The following EFCAB11 variants were observed in gnomAD, a reference collection of about 807,000 sequenced individuals.
EFCAB11 encodes the protein EF-hand calcium-binding domain-containing protein 11.
EFCAB11 carries 14 observed loss-of-function variants against 23.0 expected under a neutral mutation model. The observed-to-expected ratio is 0.61, with a 90% CI of 0.40 to 0.95. EFCAB11 has a LOEUF of 0.95. Among genes scored for constraint, EFCAB11 ranks in the 40% least tolerant of loss-of-function variants. The pLI, the probability that EFCAB11 is intolerant of heterozygous loss-of-function variation, is 0.00. For synonymous variants in EFCAB11, 65 were observed against 66.6 expected (o/e 0.98, Z 0.11); for missense variants, 198 against 195.8 (o/e 1.01, Z -0.07).
At chr14:89,923,977 AGC>A in intron 5 of EFCAB11, 2 of 976,440 alleles carry the variant, frequency 2.0e-6, no homozygotes, top group Non-Finnish European at 2.4e-6. Context: ...TCTTCCAATC[AGC>A]ATAACAGAAG....
intron 5 of EFCAB11, among the ~76,000 whole-genome samples, chr14:89,836,010 G>C (rs1887067924): frequency 6.6e-6 from 1 of 152,172 alleles, no homozygotes; most frequent in Admixed American, 6.5e-5. Context: ...CCAGGGCTAA[G>C]ATTTTGCTAG....
intron 5 of EFCAB11, among the ~76,000 whole-genome samples, chr14:89,865,450 T>C (rs1888056081): frequency 6.6e-6 from 1 of 152,034 alleles, no homozygotes; most frequent in South Asian, 2.1e-4. Context: ...AGGGATGCTA[T>C]GCGGGGAGAG....
At chr14:89,913,206 T>C (rs1889735339) in intron 5 of EFCAB11, among the ~76,000 whole-genome samples, 2 of 152,202 alleles carry the variant, frequency 1.3e-5, no homozygotes, top group South Asian at 4.1e-4. Context: ...AGCTCTGAGA[T>C]GGAAGTAGGA....
At chr14:89,937,428 T>A (rs1890623905) in intron 3 of EFCAB11, among the ~76,000 whole-genome samples, 1 of 152,212 alleles carries the variant, frequency 6.6e-6, no homozygotes, top group African/African-American at 2.4e-5. Flanking sequence ...AAATCCTTCT[T>A]GACCCTGCAA....
At chr14:89,885,258 GAAAGTTAAATA>G (rs1396914429) in intron 5 of EFCAB11, among the ~76,000 whole-genome samples, 1 of 152,094 alleles carries the variant, frequency 6.6e-6, no homozygotes, top group Admixed American at 6.5e-5. Context: ...AAACAGCAAG[GAAAGTTAAATA>G]AGACCTTTAA....
At chr14:89,916,195 G>A (rs1321690970) in intron 5 of EFCAB11, among the ~76,000 whole-genome samples, 4 of 148,212 alleles carry the variant, frequency 2.7e-5, no homozygotes, top group Non-Finnish European at 4.4e-5. Flanking sequence ...CAACAAATTT[G>A]TGGATACAAG....
intron 5 of EFCAB11, among the ~76,000 whole-genome samples, chr14:89,881,109 TTTA>T (rs1276530090): frequency 2.0e-5 from 3 of 152,084 alleles, no homozygotes; most frequent in East Asian, 3.9e-4. Flanking sequence ...TATTTATTTA[TTTA>T]TTTATTTATT....
chr14:89,813,224 AT>A (rs532927522), intron 5 of EFCAB11, among the ~76,000 whole-genome samples: 1 of 152,236 alleles, frequency 6.6e-6, no homozygotes, highest in Non-Finnish European at 1.5e-5. Flanking sequence ...GGGGAGCAGA[AT>A]TTGTTTATTA....
intron 5 of EFCAB11, among the ~76,000 whole-genome samples, chr14:89,834,935 G>A (rs181673466): frequency 6.2e-4 from 95 of 152,312 alleles, no homozygotes; most frequent in Middle Eastern, 3.4e-3. Flanking sequence ...CCCTGCCATT[G>A]TGACCAGAAT....
At chr14:89,811,763 A>G (rs943151647) in intron 5 of EFCAB11, among the ~76,000 whole-genome samples, 5 of 152,188 alleles carry the variant, frequency 3.3e-5, no homozygotes, top group Admixed American at 1.3e-4. Context: ...TTTTAGCCCA[A>G]TGATGGCCAT....
intron 5 of EFCAB11, among the ~76,000 whole-genome samples, chr14:89,859,207 C>A (rs1887846894): frequency 6.6e-6 from 1 of 152,142 alleles, no homozygotes; most frequent in Non-Finnish European, 1.5e-5. Context: ...TTATTTAAAA[C>A]TATAACTTGG....
intron 5 of EFCAB11, among the ~76,000 whole-genome samples, chr14:89,824,582 A>G (rs1886630112): frequency 6.6e-6 from 1 of 152,154 alleles, no homozygotes; most frequent in African/African-American, 2.4e-5. Context: ...TTAATTAAAA[A>G]TCAGGATTGC....
chr14:89,797,219 G>A lies in EFCAB11; in HGVS notation c.*24C>T. The stretch of plus-strand genomic sequence containing the variant: ...ATTACAATCTATTGATCTCCCCAGA[G>A]TTACCAAAAGTAGTTCACAATAGTT... On this transcript the variant is annotated 3_prime_UTR_variant, in exon 6 of 6. Transcript: ENST00000316738. The A allele has an allele frequency of 6.2e-7, 1 of 1,600,648 alleles. No individual in the cohort carries two copies. Among genetic ancestry groups the A allele is most frequent in the Non-Finnish European group, 8.6e-7 (1 of 1,169,108 alleles).
At chr14:89,806,484 A>C (rs970825896) in intron 5 of EFCAB11, among the ~76,000 whole-genome samples, 2 of 152,236 alleles carry the variant, frequency 1.3e-5, no homozygotes, top group South Asian at 4.1e-4. Flanking sequence ...GTAAGAAAAC[A>C]GCACAGATCA....
In EFCAB11 at chr14:89,796,967, A is replaced by G. The variant is rs1221138949; in HGVS notation, c.*276T>C. The G allele has an allele frequency of 4.8e-6, 1 of 209,678 alleles. No homozygotes were observed. The highest frequency in any genetic ancestry group is 2.3e-5 in the African/African-American group (1 of 43,458). 13.0% of individuals were successfully genotyped at this position (209,678 alleles called of 1,614,324 possible). ...CAGAAGGAGACCCCCGGCAGCAACC[A>G]TCTCTAGGATTCTGAGATGCAAGTC... On this transcript the variant is annotated 3_prime_UTR_variant, in exon 6 of 6. Transcript: ENST00000316738.
In EFCAB11 at chr14:89,866,437, G is replaced by A. The variant is rs147701159; in HGVS notation, c.410+65104C>T. On this transcript the variant is annotated intron_variant, in intron 5 of 5. Transcript: ENST00000316738. ...GTTCTATCCTCAAAACGTGGCCCAC[G>A]AGGCCTGTGGGACAAAGCTGCCTCC... is the stretch of plus-strand genomic sequence containing the variant. Among the ~76,000 whole-genome samples the A allele has an allele frequency of 3.3e-5, 5 of 152,326 alleles. No individual in the cohort carries two copies. The South Asian group carries it at 6.2e-4, about 19-fold the overall frequency.
At chr14:89,909,470 T>G (rs1889595296) in intron 5 of EFCAB11, among the ~76,000 whole-genome samples, 1 of 150,202 alleles carries the variant, frequency 6.7e-6, no homozygotes. Flanking sequence ...TCACAGCTAC[T>G]TGGGAGGCTG....
chr14:89,832,773 T>C (rs1886927154), intron 5 of EFCAB11, among the ~76,000 whole-genome samples: 1 of 152,210 alleles, frequency 6.6e-6, no homozygotes, highest in East Asian at 1.9e-4. Flanking sequence ...CTTTATTGAA[T>C]ACTGTACTGA....
chr14:89,889,382 T>C (rs1466887564), intron 5 of EFCAB11, among the ~76,000 whole-genome samples: 3 of 152,248 alleles, frequency 2.0e-5, no homozygotes, highest in African/African-American at 4.8e-5. Flanking sequence ...TTTTAACTTC[T>C]CTATCCCTCA....
Sources: gnomAD v4.1 joint callset for allele counts (sites outside exome capture counted in the v4.1 genomes callset) on GRCh38, gnomAD v4.1.1 for gene constraint, MANE v1.5 for transcripts, NCBI Gene and HGNC (gene_info 2026-07-23, HGNC 2026-07-21) for gene names.